RBFOX1: variants seen among roughly 807,000 people sequenced by gnomAD.
RBFOX1 encodes the protein RNA binding fox-1 homolog 1, also known as RNA binding protein fox-1 homolog 1.
RBFOX1 carries 8 observed loss-of-function variants against 57.7 expected under a neutral mutation model. The ratio of observed to expected loss-of-function variants is 0.14; its 90% CI spans 0.08 to 0.25. The LOEUF is 0.25. RBFOX1 is among the 10% of genes least tolerant of loss of function. RBFOX1 has a pLI of 1.00. For synonymous variants in RBFOX1, 326 were observed against 222.4 expected (o/e 1.47, Z -4.15); for missense variants, 611 against 548.5 (o/e 1.11, Z -1.14).
chr16:7,390,823 G>C (rs754951030), intron 4 of RBFOX1, among the ~76,000 whole-genome samples: 41 of 152,170 alleles, frequency 2.7e-4, no homozygotes, highest in Non-Finnish European at 1.5e-4. Context: ...AGGGAGGACA[G>C]ATTCCAACAA....
At chr16:6,777,160 T>C (rs2079520010) in intron 3 of RBFOX1, among the ~76,000 whole-genome samples, 1 of 136,112 alleles carries the variant, frequency 7.3e-6, no homozygotes, top group African/African-American at 2.4e-5. Context: ...TTTCCAGATA[T>C]TTCTAGGGTA....
chr16:7,544,044 T>C (rs973792066), intron 5 of RBFOX1, among the ~76,000 whole-genome samples: 52 of 152,336 alleles, frequency 3.4e-4, no homozygotes, highest in African/African-American at 1.1e-3. Context: ...AAGGTGTTTA[T>C]TTCCATTTGT....
In RBFOX1 at chr16:7,648,868, C is replaced by T. The variant is rs1239447750; in HGVS notation, c.758-4947C>T. The stretch of plus-strand genomic sequence containing the variant: ...CAATTCCAAGTGCAACAAACTTGGT[C>T]CAAGCAGCCTCCCCTTGCTTGATTG... On this transcript the variant is annotated intron_variant, in intron 11 of 15. Transcript: ENST00000550418. Among the ~76,000 whole-genome samples the T allele has an allele frequency of 2.0e-5, 3 of 152,140 alleles. No individual in the cohort carries two copies. The East Asian group carries it at 5.8e-4, about 29-fold the overall frequency.
chr16:5,936,078 A>G (rs891702282), intron 4 of RBFOX1, among the ~76,000 whole-genome samples: 8 of 151,928 alleles, frequency 5.3e-5, no homozygotes, highest in Non-Finnish European at 7.4e-5. Context: ...TAAAAATTAT[A>G]TGATGGTAGC....
At chr16:6,488,655 T>C (rs950214014) in intron 2 of RBFOX1, among the ~76,000 whole-genome samples, 12 of 152,184 alleles carry the variant, frequency 7.9e-5, no homozygotes, top group African/African-American at 2.9e-4. Flanking sequence ...AATTTAGCAT[T>C]TAGAATCTGT....
intron 3 of RBFOX1, among the ~76,000 whole-genome samples, chr16:7,000,881 C>T (rs948816293): frequency 6.6e-6 from 1 of 152,088 alleles, no homozygotes; most frequent in African/African-American, 2.4e-5. Flanking sequence ...GGATTACAGG[C>T]GTGAGCCACC....
intron 4 of RBFOX1, among the ~76,000 whole-genome samples, chr16:7,167,528 T>C (rs912015620): frequency 2.0e-5 from 3 of 152,104 alleles, no homozygotes; most frequent in Admixed American, 1.3e-4. Context: ...GACCCTCCCA[T>C]GCAGTCTTTG....
intron 2 of RBFOX1, among the ~76,000 whole-genome samples, chr16:5,495,523 C>G (rs959145739): frequency 1.1e-4 from 16 of 152,178 alleles, no homozygotes; most frequent in African/African-American, 3.9e-4. Context: ...CAGAGCCAAT[C>G]CATATCAACT....
intron 1 of RBFOX1, among the ~76,000 whole-genome samples, chr16:6,206,032 A>G (rs1364670970): frequency 6.6e-6 from 1 of 151,824 alleles, no homozygotes; most frequent in Admixed American, 6.6e-5. Context: ...GCCAGCCACT[A>G]TTTTCTTTAA....
intron 3 of RBFOX1, among the ~76,000 whole-genome samples, chr16:6,745,445 C>G (rs1044171394): frequency 6.6e-6 from 1 of 152,074 alleles, no homozygotes; most frequent in South Asian, 2.1e-4. Context: ...GAAAAGGATA[C>G]TATATCAAGA....
At position 7,711,365 on chromosome 16, in the gene RBFOX1, A is replaced by C. The variant is rs2083979057; in HGVS notation, c.*620A>C. 2 of 152,628 alleles carry C rather than the reference A, an allele frequency of 1.3e-5. No individual in the cohort carries two copies. Among genetic ancestry groups the C allele is most frequent in the Admixed American group, 6.5e-5 (1 of 15,278 alleles). 9.5% of individuals were successfully genotyped at this position (152,628 alleles called of 1,614,324 possible). On this transcript the variant is annotated 3_prime_UTR_variant, in exon 16 of 16. Transcript: ENST00000550418. ...GGGGTGCTTCTAGTAGCACTTGTGC[A>C]TCTGAGTTGAATGAAGCTGTGCAAA...
At chr16:5,667,574 C>G (rs1240009469) in intron 3 of RBFOX1, among the ~76,000 whole-genome samples, 1 of 152,178 alleles carries the variant, frequency 6.6e-6, no homozygotes, top group Non-Finnish European at 1.5e-5. Context: ...GTGGCCTGTA[C>G]TAGAAGTGTA....
intron 2 of RBFOX1, among the ~76,000 whole-genome samples, chr16:6,622,873 A>G (rs1326028089): frequency 2.0e-5 from 3 of 152,244 alleles, no homozygotes; most frequent in South Asian, 2.1e-4. Context: ...TTTTATCCAC[A>G]TGTTGTTCTG....
At chr16:6,220,040 ATC>A (rs2097361916) in intron 1 of RBFOX1, among the ~76,000 whole-genome samples, 1 of 152,042 alleles carries the variant, frequency 6.6e-6, no homozygotes, top group African/African-American at 2.4e-5. Context: ...TTCATCTGTC[ATC>A]TGTCTGTTTC....
chr16:5,518,786 CAG>C (rs2043898321), intron 2 of RBFOX1, among the ~76,000 whole-genome samples: 1 of 152,260 alleles, frequency 6.6e-6, no homozygotes, highest in East Asian at 1.9e-4. Context: ...AACACAGAAA[CAG>C]AGTATGTGAA....
At chr16:5,909,557 G>A (rs967406265) in intron 4 of RBFOX1, among the ~76,000 whole-genome samples, 1 of 152,162 alleles carries the variant, frequency 6.6e-6, no homozygotes, top group Non-Finnish European at 1.5e-5. Flanking sequence ...ATAGACCACA[G>A]CAACAGTTGA....
intron 1 of RBFOX1, among the ~76,000 whole-genome samples, chr16:6,158,377 C>G (rs1412063016): frequency 1.3e-5 from 2 of 152,152 alleles, no homozygotes; most frequent in African/African-American, 4.8e-5. Flanking sequence ...GCTTGTTAGT[C>G]AATAGTGAAG....
In RBFOX1 at chr16:5,655,259, A is replaced by G. The variant is rs74004458; in HGVS notation, c.318+56298A>G. ...ATATGTGAGGAGAAGGACTGTGGGCAGGAAACATGTTCTATGATTTTTTTT... is the reference window on the plus strand; with the variant it reads ...ATATGTGAGGAGAAGGACTGTGGGCGGGAAACATGTTCTATGATTTTTTTT... On this transcript the variant is annotated intron_variant, in intron 3 of 19. Transcript: ENST00000641259. 7.9e-3 allele frequency among the ~76,000 whole-genome samples: 1,200 copies of G among 152,350 alleles called. 12 individuals carry two copies. The highest frequency in any genetic ancestry group is 0.027 in the African/African-American group (1,138 of 41,590).
chr16:7,540,215 C>T (rs183728100), intron 5 of RBFOX1, among the ~76,000 whole-genome samples: 6 of 152,240 alleles, frequency 3.9e-5, no homozygotes, highest in Admixed American at 1.3e-4. Context: ...GCTTCCCTGC[C>T]TGTACCATTT....
Sources: gnomAD v4.1 joint callset for allele counts (sites outside exome capture counted in the v4.1 genomes callset) on GRCh38, gnomAD v4.1.1 for gene constraint, MANE v1.5 for transcripts, NCBI Gene and HGNC (gene_info 2026-07-23, HGNC 2026-07-21) for gene names.